Variants in BRAT1 observed in about 807,000 individuals in gnomAD.
BRAT1 encodes the protein BRCA1 associated ATM activator 1, also known as integrator complex assembly factor BRAT1.
BRAT1 carries 74 observed loss-of-function variants against 70.6 expected under a neutral mutation model. That is an observed-to-expected ratio of 1.05 (90% CI 0.87 to 1.27). The LOEUF (loss-of-function observed/expected upper bound fraction) is 1.27, where lower values mean the gene tolerates loss of function less well. Ranked by LOEUF, BRAT1 falls within the 50% of genes most tolerant of loss-of-function variation. BRAT1 has a pLI of 0.00. For synonymous variants in BRAT1, 615 were observed against 517.1 expected (o/e 1.19, Z -2.57); for missense variants, 1,203 against 1,098.2 (o/e 1.10, Z -1.35).
At chr7:2,547,169 G>A (rs537543635) in intron 3 of BRAT1, among the ~76,000 whole-genome samples, 155 bp downstream of exon 3, 10 of 152,292 alleles carry the variant, frequency 6.6e-5, no homozygotes, top group African/African-American at 9.6e-5. Flanking sequence ...GGCTACAGTC[G>A]GGGGTAAAAA....
chr7:2,541,677 G>A (rs768620515), intron 8 of BRAT1, 41 bp downstream of exon 8: 41 of 1,570,240 alleles, frequency 2.6e-5, no homozygotes, highest in Middle Eastern at 3.7e-4. Flanking sequence ...CACCGCCAGC[G>A]TGGATGCTGC....
At chr7:2,542,306 AG>A in intron 6 of BRAT1, 95 bp from the exon 7 acceptor site, 1 of 1,087,378 alleles carries the variant, frequency 9.2e-7, no homozygotes, top group Non-Finnish European at 1.4e-6. Flanking sequence ...CAAATCAGCC[AG>A]GGGGTTGGGA....
intron 2 of BRAT1, among the ~76,000 whole-genome samples, chr7:2,548,845 G>C (rs1454767599): frequency 6.6e-6 from 1 of 152,018 alleles, no homozygotes; most frequent in Non-Finnish European, 1.5e-5. Context: ...GGCGCCTGTG[G>C]TCCCAGCTAT....
chr7:2,539,799 C>T lies in BRAT1; in HGVS notation c.1485G>A (p.Pro495=), dbSNP rs749698079. 8.7e-6 allele frequency: 14 copies of T among 1,611,304 alleles called. No individual in the cohort carries two copies. Among genetic ancestry groups the T allele is most frequent in the South Asian group, 4.4e-5 (4 of 90,470 alleles). ...GGGCTGCGTTACCTCTGAGGAACTG[C>T]GGGATGAGGGGGCCGAGATCAGAGC... ...PGCSDLGPLI[P]QFLRELFPVL... Residue 495 remains proline, a synonymous_variant, in exon 11 of 14, where the codon CCG becomes CCA. Transcript: ENST00000340611.
At chr7:2,539,149 T>C (rs1181957016) in intron 13 of BRAT1, 30 bp downstream of exon 13, 2 of 1,573,200 alleles carry the variant, frequency 1.3e-6, no homozygotes, top group Non-Finnish European at 1.7e-6. Context: ...CAGGCGGGAG[T>C]TGCTGGCTGA....
chr7:2,541,775 C>T lies in BRAT1; in HGVS notation c.1077G>A (p.Ser359=), dbSNP rs756817824. 1.2e-5 allele frequency: 19 copies of T among 1,612,426 alleles called. No homozygotes were observed. The highest frequency in any genetic ancestry group is 2.2e-5 in the South Asian group (2 of 91,020). Residue 359 remains serine (S), a synonymous_variant, in exon 8 of 14, where the codon TCG becomes TCA. Coordinates refer to ENST00000340611, the MANE Select transcript of BRAT1 (RefSeq NM_152743.4). ...TGCGGCACAGGAGGCCGGCGCAGGA[C>T]GACTTGGAGGCCAGGAGTGTGTCCA... is the stretch of plus-strand genomic sequence containing the variant. ...TTVDTLLASK[S]SCAGLLCRTL... is the part of the protein sequence containing the mutation.
intron 7 of BRAT1, 97 bp downstream of exon 7, chr7:2,542,023 G>A: frequency 7.9e-7 from 1 of 1,269,108 alleles, no homozygotes; most frequent in Non-Finnish European, 1.1e-6. Flanking sequence ...TGATTAAAGT[G>A]GGGCGGGGGT....
At chr7:2,540,192 C>T (rs765766317) in intron 10 of BRAT1, 10 of 341,232 alleles carry the variant, frequency 2.9e-5, no homozygotes, top group Non-Finnish European at 4.8e-5. Context: ...CTAATTTTTG[C>T]AGTCAAATGC....
intron 3 of BRAT1, among the ~76,000 whole-genome samples, chr7:2,545,496 C>CCTT (rs1554296641): frequency 2.3e-5 from 3 of 130,026 alleles, no homozygotes; most frequent in Admixed American, 7.7e-5. Context: ...CTTTCTTCTT[C>CCTT]TTTTTTTTTT....
Position 2,538,536 on chromosome 7 carries a change from C to T in BRAT1, c.1999G>A (p.Gly667Arg). The part of the protein sequence containing the change: ...LALVFLGQTL[G>R]PPRTHCPYAV... ...TAGGGGCAGTGGGTACGCGGCGGCC[C>T]CAAAGTCTGGCCCAGGAACACGAGG... Residue 667 changes from glycine (G) to arginine (R), a missense_variant, in exon 14 of 14, where the codon GGG (glycine) becomes AGG (arginine). Physicochemically the swap from Gly to Arg is moderately radical, Grantham distance 125. Coordinates refer to ENST00000340611, the MANE Select transcript of BRAT1 (RefSeq NM_152743.4). The T allele has an allele frequency of 6.2e-7, 1 of 1,604,478 alleles. No homozygotes were observed. Among genetic ancestry groups the T allele is most frequent in the Non-Finnish European group, 8.5e-7 (1 of 1,178,450 alleles).
At position 2,538,101 on chromosome 7, in the gene BRAT1, A is replaced by G. The variant is rs757188244; in HGVS notation, c.2434T>C (p.Phe812Leu). 2.8e-5 allele frequency: 44 copies of G among 1,584,962 alleles called. No homozygotes were observed. Among genetic ancestry groups the G allele is most frequent in the Non-Finnish European group, 2.0e-5 (23 of 1,160,306 alleles). Residue 812 changes from phenylalanine to leucine, a missense_variant, in exon 14 of 14, where the codon TTC becomes CTC. Phe to Leu is a conservative substitution (Grantham distance 22). Coordinates refer to ENST00000340611, the MANE Select transcript of BRAT1 (RefSeq NM_152743.4). Reference protein sequence around the residue: ...LLQDMLATGGFLQGDEADCY With the variant: ...LLQDMLATGGLLQGDEADCY ...CAGTCGGCCTCGTCCCCCTGCAGGA[A>G]GCCTCCCGTGGCCAGCATGTCCTGC...
Position 2,544,955 on chromosome 7 carries a change from G to C in BRAT1, c.384C>G (p.Arg128=), listed in dbSNP as rs1779489153. The C allele has an allele frequency of 1.3e-6, 2 of 1,559,782 alleles. No homozygotes were observed. Among genetic ancestry groups the C allele is most frequent in the East Asian group, 2.4e-5 (1 of 42,318 alleles). Residue 128 remains arginine, a synonymous_variant, in exon 4 of 14, where the codon CGC becomes CGG. Coordinates refer to ENST00000340611, the MANE Select transcript of BRAT1 (RefSeq NM_152743.4). The part of the protein sequence containing the change: ...TVRSGWIQGL[R]SLAQHPSALR... ...GGGCGCTGGGGTGCTGTGCCAGGGAGCGCAGGCCCTGGATCCAGCCGCTGC... is the reference window on the plus strand; with the variant it reads ...GGGCGCTGGGGTGCTGTGCCAGGGACCGCAGGCCCTGGATCCAGCCGCTGC...
In BRAT1 at chr7:2,540,059, A is replaced by G. The variant is rs77045513; in HGVS notation, c.1396-171T>C. 0.012 allele frequency: 6,617 copies of G among 560,704 alleles called. 375 individuals are homozygous for G. Among genetic ancestry groups the G allele is most frequent in the African/African-American group, 0.12 (5,931 of 51,284 alleles). The allele number at this position is 560,704 out of a possible 1,614,324, so 34.7% of individuals were successfully genotyped here. On this transcript the variant is annotated intron_variant, in intron 10 of 13. Coordinates refer to ENST00000340611, the MANE Select transcript of BRAT1 (RefSeq NM_152743.4). ...CTTCTTTTTTAGAGACAGGGTCTCA[A>G]TGTGTCATCCAGGCTGGACTGCAAT...
chr7:2,541,270 A>G (rs1178331533), intron 9 of BRAT1, 28 bp downstream of exon 9: 2 of 1,539,242 alleles, frequency 1.3e-6, no homozygotes, highest in Admixed American at 2.0e-5. Flanking sequence ...GGATAGCCCC[A>G]CGCCAAAGCC....
rs200084998 is a variant in BRAT1, at chr7:2,539,209, G to A, written c.1740C>T (p.Pro580=). ...GGGCCTCTGCATGCTCAGGGCTGGT[G>A]GGGGCGTGCAGGCCCTGGCTGGACA... is the stretch of plus-strand genomic sequence containing the variant. ...GQLSSQGLHA[P]TSPEHAEARQ... The change falls in exon 13 of 14, where the codon CCC becomes CCT. Residue 580 remains proline (P), a synonymous_variant. Transcript: ENST00000340611. 253 of 1,609,750 alleles carry A rather than the reference G, an allele frequency of 1.6e-4. 1 individual carries two copies. The East Asian group carries it at 5.2e-3, about 33-fold the overall frequency.
At chr7:2,539,055 C>CTGT (rs1778927584) in intron 13 of BRAT1, 124 bp downstream of exon 13, 10 of 1,458,354 alleles carry the variant, frequency 6.9e-6, no homozygotes, top group Non-Finnish European at 9.1e-6. Flanking sequence ...GTCACTGCTG[C>CTGT]AGGCGCTGCC....
Position 2,539,079 on chromosome 7 carries a change from G to A in BRAT1, c.1770+100C>T, listed in dbSNP as rs758493024. 773 of 1,487,796 alleles carry A rather than the reference G, an allele frequency of 5.2e-4. 1 individual carries two copies. Among genetic ancestry groups the A allele is most frequent in the Admixed American group, 1.2e-3 (58 of 46,984 alleles). 92.2% of individuals were successfully genotyped at this position (1,487,796 alleles called of 1,614,324 possible). On this transcript the variant is annotated intron_variant, in intron 13 of 13. Transcript: ENST00000340611. Reference sequence around the variant, plus strand: ...GCAGGCGCTGCCCACAGCAGCAGCTGCTCCCACGCTGCATGCTGGCCGCTC... The same window carrying A: ...GCAGGCGCTGCCCACAGCAGCAGCTACTCCCACGCTGCATGCTGGCCGCTC...
intron 13 of BRAT1, 110 bp downstream of exon 13, chr7:2,539,052 CTGCAGGCGCTGCCCACA>C: frequency 6.8e-7 from 1 of 1,461,100 alleles, no homozygotes; most frequent in South Asian, 1.4e-5. Flanking sequence ...GCAGTCACTG[CTGCAGGCGCTGCCCACA>C]GCAGCAGCTG....
At chr7:2,551,461 C>T (rs1562592350) in intron 2 of BRAT1, among the ~76,000 whole-genome samples, 1 of 151,340 alleles carries the variant, frequency 6.6e-6, no homozygotes, top group Non-Finnish European at 1.5e-5. Context: ...GAAGCCCAGG[C>T]GGGAAGACTG....
Sources: gnomAD v4.1 joint callset for allele counts (sites outside exome capture counted in the v4.1 genomes callset) on GRCh38, gnomAD v4.1.1 for gene constraint, MANE v1.5 for transcripts, NCBI Gene and HGNC (gene_info 2026-07-23, HGNC 2026-07-21) for gene names.